UGT1A9: variants seen among roughly 807,000 people sequenced by gnomAD.
The protein encoded by UGT1A9 is UDP glucuronosyltransferase family 1 member A9.
UGT1A9 carries 35 observed loss-of-function variants against 45.0 expected under a neutral mutation model. The observed-to-expected ratio is 0.78, with a 90% CI of 0.59 to 1.03. The LOEUF is 1.03. Among genes scored for constraint, UGT1A9 ranks in the 50% least tolerant of loss-of-function variants. UGT1A9 has a pLI of 0.00. For synonymous variants in UGT1A9, 278 were observed against 250.6 expected (o/e 1.11, Z -1.03); for missense variants, 687 against 666.6 (o/e 1.03, Z -0.34).
Position 233,769,697 on chromosome 2 carries a change from A to C in UGT1A9, c.1295+1258A>C. The C allele has an allele frequency of 6.5e-7, 1 of 1,535,580 alleles. No individual in the cohort carries two copies. The highest frequency in any genetic ancestry group is 8.8e-7 in the Non-Finnish European group (1 of 1,140,024). On this transcript the variant is annotated intron_variant, in intron 4 of 4. Transcript: ENST00000354728. The surrounding 1 kb of genome is among the most constrained non-coding windows in gnomAD (Gnocchi z 4.4). ...TGTGTGTGTGGTGGCACTGGATAAA[A>C]GATCAATGTTGGCTAGGCACCATGG...
chr2:233,721,874 C>T, intron 1 of UGT1A9: 1 of 497,188 alleles, frequency 2.0e-6, no homozygotes. Flanking sequence ...GGCACACTTG[C>T]CAGCCCCTCC....
At chr2:233,747,405 G>C (rs112085732) in intron 1 of UGT1A9, 2 of 1,607,054 alleles carry the variant, frequency 1.2e-6, no homozygotes, top group Non-Finnish European at 1.7e-6. Context: ...CACCCCAGAG[G>C]TGAATATGCA....
chr2:233,748,866 G>T (rs17862876), intron 1 of UGT1A9, among the ~76,000 whole-genome samples: 1,756 of 151,560 alleles, frequency 0.012, 18 homozygotes, highest in Non-Finnish European at 0.019. Flanking sequence ...AGTTAAGCTG[G>T]GGACGGTGAT....
At chr2:233,677,001 T>G (rs970959600) in intron 1 of UGT1A9, among the ~76,000 whole-genome samples, 6 of 152,176 alleles carry the variant, frequency 3.9e-5, no homozygotes, top group Non-Finnish European at 8.8e-5. Flanking sequence ...CCTCTAATTT[T>G]TTTTTTCAAA....
intron 1 of UGT1A9, among the ~76,000 whole-genome samples, chr2:233,703,402 G>A (rs2075736582): frequency 6.6e-6 from 1 of 151,594 alleles, no homozygotes; most frequent in South Asian, 2.1e-4. Flanking sequence ...AAACAATTTT[G>A]GTTTTGTTTA....
chr2:233,737,663 G>T (rs918279158), intron 1 of UGT1A9, among the ~76,000 whole-genome samples: 2 of 152,176 alleles, frequency 1.3e-5, no homozygotes, highest in African/African-American at 2.4e-5. Context: ...GCTGCAGATC[G>T]GAGCTGTTCC....
At position 233,672,276 on chromosome 2, in the gene UGT1A9, T is replaced by C; in HGVS notation, c.342T>C (p.Asn114=). The C allele has an allele frequency of 6.2e-7, 1 of 1,614,036 alleles. No homozygotes were observed. Among genetic ancestry groups the C allele is most frequent in the African/African-American group, 1.3e-5 (1 of 75,010 alleles). ...SIYSLLMGSY[N]DIFDLFFSNC... ...ATTCTCTATTAATGGGTTCATACAA[T>C]GACATTTTTGACTTATTTTTTTCAA... The change falls in exon 1 of 5, where the codon AAT becomes AAC. Residue 114 remains asparagine (N), a synonymous_variant. Coordinates refer to ENST00000354728, the MANE Select transcript of UGT1A9 (RefSeq NM_021027.3).
chr2:233,690,820 G>A, intron 1 of UGT1A9: 1 of 1,067,652 alleles, frequency 9.4e-7, no homozygotes, highest in Non-Finnish European at 1.1e-6. Context: ...TACAGTCAAA[G>A]CTCACAGGAG....
intron 1 of UGT1A9, among the ~76,000 whole-genome samples, chr2:233,748,430 T>A (rs1693942914): frequency 6.6e-6 from 1 of 151,778 alleles, no homozygotes; most frequent in Non-Finnish European, 1.5e-5. Flanking sequence ...CCATCTGGAT[T>A]TTTTGTTTGC....
intron 1 of UGT1A9, chr2:233,691,974 T>A (rs2075070882): frequency 3.3e-5 from 5 of 152,254 alleles, no homozygotes; most frequent in Admixed American, 3.3e-4. Context: ...TCCCTTTCGA[T>A]CACACCTAAG....
At position 233,713,884 on chromosome 2, in the gene UGT1A9, C is replaced by T. The variant is rs182934742; in HGVS notation, c.855+41095C>T. 373 of 1,613,558 alleles carry T rather than the reference C, an allele frequency of 2.3e-4. 1 individual carries two copies. The African/African-American group carries it at 4.1e-3, about 18-fold the overall frequency. On this transcript the variant is annotated intron_variant, in intron 1 of 4. Coordinates refer to ENST00000354728, the MANE Select transcript of UGT1A9 (RefSeq NM_021027.3). ...GTCTGTATTGGTGCCTTTATCCAAT[C>T]AATGTTCCAGGCAAAACACTTTTTA...
At chr2:233,752,070 A>G (rs1694888070) in intron 1 of UGT1A9, among the ~76,000 whole-genome samples, 1 of 152,244 alleles carries the variant, frequency 6.6e-6, no homozygotes, top group Non-Finnish European at 1.5e-5. Flanking sequence ...GAGATGGGGA[A>G]GTCTCTCTAC....
At chr2:233,746,132 G>A (rs998349575) in intron 1 of UGT1A9, among the ~76,000 whole-genome samples, 1 of 151,792 alleles carries the variant, frequency 6.6e-6, no homozygotes, top group African/African-American at 2.4e-5. Flanking sequence ...CTGTGGACTG[G>A]CACCTGAGTG....
chr2:233,729,068 AG>A, intron 1 of UGT1A9: 1 of 1,611,394 alleles, frequency 6.2e-7, no homozygotes, highest in Non-Finnish European at 8.5e-7. Context: ...AGATGAAGAA[AG>A]CAAATGTAGC....
chr2:233,713,229 T>A, intron 1 of UGT1A9: 1 of 1,614,268 alleles, frequency 6.2e-7, no homozygotes, highest in East Asian at 2.2e-5. Context: ...CCTGACAACG[T>A]ATGCCATTTC....
chr2:233,751,234 G>T (rs1326079601), intron 1 of UGT1A9, among the ~76,000 whole-genome samples: 1 of 151,962 alleles, frequency 6.6e-6, no homozygotes, highest in East Asian at 1.9e-4. Flanking sequence ...GCCCTGCCTG[G>T]TTTTGGACTT....
intron 1 of UGT1A9, chr2:233,752,209 A>G (rs544905621): frequency 1.3e-5 from 2 of 152,350 alleles, no homozygotes; most frequent in East Asian, 3.9e-4. Context: ...AACTCCAGCC[A>G]GAAAAAATAT....
At chr2:233,696,465 G>T (rs1012923510) in intron 1 of UGT1A9, among the ~76,000 whole-genome samples, 1 of 152,088 alleles carries the variant, frequency 6.6e-6, no homozygotes, top group Admixed American at 6.5e-5. Context: ...ATTTTTGTAA[G>T]TTGATCTTGT....
At chr2:233,760,143 G>C (rs2125979116) in intron 1 of UGT1A9, 1 of 1,431,624 alleles carries the variant, frequency 7.0e-7, no homozygotes, top group Non-Finnish European at 9.3e-7. Flanking sequence ...ATCTCTGAAA[G>C]TGAACTCCCT....
Sources: gnomAD v4.1 joint callset for allele counts (sites outside exome capture counted in the v4.1 genomes callset) on GRCh38, gnomAD v4.1.1 for gene constraint, Gnocchi (gnomAD v3.1) non-coding constraint, MANE v1.5 for transcripts, NCBI Gene and HGNC (gene_info 2026-07-23, HGNC 2026-07-21) for gene names.